The following COA8 variants were observed in gnomAD, a reference collection of about 807,000 sequenced individuals.
COA8 encodes UPF0671 protein C14orf153.
A neutral mutation model predicts 22.0 loss-of-function variants in COA8; 20 were observed. That is an observed-to-expected ratio of 0.91 (90% confidence interval 0.64 to 1.32). The LOEUF is 1.32. Among genes scored for constraint, COA8 ranks in the 40% most tolerant of loss-of-function variants. COA8 has a pLI of 0.00. For synonymous variants in COA8, 105 were observed against 79.9 expected, an observed-to-expected ratio of 1.31 and a Z score of -1.68; for missense variants, 266 against 230.0, an observed-to-expected ratio of 1.16 and a Z score of -1.01.
chr14:103,588,984 G>A (rs997810876), intron 4 of COA8, among the ~76,000 whole-genome samples: 4 of 152,164 alleles, frequency 2.6e-5, no homozygotes, highest in South Asian at 2.1e-4. Flanking sequence ...TCAAACAAGC[G>A]AGTATAATCT....
chr14:103,590,618 A>G lies in COA8; in HGVS notation c.*332A>G, dbSNP rs2151190201. 5.1e-6 allele frequency: 1 copy of G among 197,866 alleles called. No individual in the cohort carries two copies. The highest frequency in any genetic ancestry group is 1.5e-4 in the East Asian group (1 of 6,800). 12.3% of individuals were successfully genotyped at this position (197,866 alleles called of 1,614,324 possible). On this transcript the variant is annotated 3_prime_UTR_variant, in exon 5 of 5. Coordinates refer to ENST00000409074, the MANE Select transcript of COA8 (RefSeq NM_001370595.2). ...CACGGTGGCTCACACCTGTAATCCC[A>G]GCACTTTGGGAGGCCGAGGCGGGTG...
chr14:103,563,545 TG>T (rs2076110017), intron 1 of COA8, among the ~76,000 whole-genome samples: 1 of 152,238 alleles, frequency 6.6e-6, no homozygotes, highest in Non-Finnish European at 1.5e-5. Context: ...ATCGTACTTT[TG>T]TAGCACTTCA....
chr14:103,587,508 CTT>C (rs368240107), intron 4 of COA8, 144 bp downstream of exon 4: 3,506 of 303,532 alleles, frequency 0.012, no homozygotes, highest in South Asian at 0.027. Flanking sequence ...TTCTTTTTTT[CTT>C]TTTTTTTTTT....
chr14:103,565,112 C>T (rs778379541), intron 1 of COA8, among the ~76,000 whole-genome samples: 8 of 151,946 alleles, frequency 5.3e-5, no homozygotes, highest in African/African-American at 1.2e-4. Context: ...CATGCTGCCA[C>T]GCCTGGTTAA....
intron 3 of COA8, among the ~76,000 whole-genome samples, chr14:103,578,886 C>T (rs191374311): frequency 0.012 from 1,762 of 152,322 alleles, 16 homozygotes; most frequent in Non-Finnish European, 0.016. Flanking sequence ...GTGCCAGCCG[C>T]GCCCCTCCTG....
At chr14:103,565,244 G>A (rs1026374375) in intron 1 of COA8, among the ~76,000 whole-genome samples, 80 of 152,162 alleles carry the variant, frequency 5.3e-4, no homozygotes, top group African/African-American at 1.9e-3. Flanking sequence ...ATAAGTGTGA[G>A]CCACCATGCC....
At chr14:103,568,619 GTGTATA>G (rs1566978079) in intron 1 of COA8, among the ~76,000 whole-genome samples, 2 of 48,740 alleles carry the variant, frequency 4.1e-5, no homozygotes, top group African/African-American at 7.6e-5. Context: ...ATATGTGTGT[GTGTATA>G]TATATATATA....
intron 2 of COA8, 29 bp from the exon 3 acceptor site, chr14:103,574,078 C>T (rs1250914687): frequency 3.8e-4 from 381 of 1,013,022 alleles, no homozygotes; most frequent in African/African-American, 1.4e-3. Flanking sequence ...TTCTGAGAGC[C>T]TTTTTTTTTT....
Position 103,581,455 on chromosome 14 carries a change from T to C in COA8, c.386-5819T>C. ...GTGCTGGACAGAGGGAGGAGTCGCC[T>C]CCTGGGCTGGTCGGAGTAGGACCTT... is the stretch of plus-strand genomic sequence containing the variant. On this transcript the variant is annotated intron_variant, in intron 3 of 4. Coordinates refer to ENST00000409074, the MANE Select transcript of COA8 (RefSeq NM_001370595.2). This position sits in a 1 kb window ranked among gnomAD's most constrained non-coding sequence, Gnocchi z 4.1. 2.5e-6 allele frequency: 1 copy of C among 392,930 alleles called. No individual in the cohort carries two copies. Among genetic ancestry groups the C allele is most frequent in the Middle Eastern group, 6.4e-4 (1 of 1,560 alleles). The allele number at this position is 392,930 out of a possible 1,614,324, so 24.3% of individuals were successfully genotyped here.
rs183721929 is a variant in COA8, at chr14:103,573,526, T to A, written c.322-581T>A. Among the ~76,000 whole-genome samples the A allele has an allele frequency of 1.3e-3, 198 of 152,086 alleles. 1 individual carries two copies. The highest frequency in any genetic ancestry group is 0.012 in the Admixed American group (178 of 15,250). ...GGCTATGTCTGGTGGGGTATATTTATCATATTCTGTGGAGGGTTTTTTTTG... is the reference window on the plus strand; with the variant it reads ...GGCTATGTCTGGTGGGGTATATTTAACATATTCTGTGGAGGGTTTTTTTTG... On this transcript the variant is annotated intron_variant, in intron 2 of 4. Coordinates refer to ENST00000409074, the MANE Select transcript of COA8 (RefSeq NM_001370595.2).
intron 3 of COA8, among the ~76,000 whole-genome samples, chr14:103,577,299 C>T (rs529584053): frequency 6.6e-6 from 1 of 152,080 alleles, no homozygotes; most frequent in South Asian, 2.1e-4. Context: ...TGGTCTCAAA[C>T]TCCTGACCTC....
Position 103,587,293 on chromosome 14 carries a change from T to A in COA8, c.405T>A (p.Asn135Lys). The A allele has an allele frequency of 6.2e-7, 1 of 1,613,472 alleles. No homozygotes were observed. The highest frequency in any genetic ancestry group is 2.2e-5 in the East Asian group (1 of 44,814). ...TTTCAGGTCAGAAAGCAACATTGAA[T>A]GCAGAAGAAATGGCGGACTTCTACA... ...RTESGQKATL[N>K]AEEMADFYKE... Residue 135 changes from asparagine to lysine, a missense_variant, in exon 4 of 5, where the codon AAT (asparagine) becomes AAA (lysine). Coordinates refer to ENST00000409074, the MANE Select transcript of COA8 (RefSeq NM_001370595.2).
chr14:103,564,770 C>G (rs1486989915), intron 1 of COA8, among the ~76,000 whole-genome samples: 1 of 151,832 alleles, frequency 6.6e-6, no homozygotes, highest in Non-Finnish European at 1.5e-5. Context: ...TTAGTAGAGA[C>G]AGGGTTTCAC....
intron 3 of COA8, among the ~76,000 whole-genome samples, chr14:103,578,971 G>A (rs1342371802): frequency 1.3e-5 from 2 of 152,200 alleles, no homozygotes; most frequent in Non-Finnish European, 2.9e-5. Context: ...CTGAGATGGA[G>A]GTAAGTCACA....
intron 3 of COA8, among the ~76,000 whole-genome samples, chr14:103,587,052 T>C (rs2076313028): frequency 6.6e-6 from 1 of 152,182 alleles, no homozygotes; most frequent in Non-Finnish European, 1.5e-5. Flanking sequence ...CTCTCAAATT[T>C]ATTCCTAAGT....
At chr14:103,564,511 C>T (rs528375721) in intron 1 of COA8, among the ~76,000 whole-genome samples, 1 of 149,896 alleles carries the variant, frequency 6.7e-6, no homozygotes, top group Admixed American at 6.6e-5. Context: ...ATTTTGTGAA[C>T]TTGTGCTGGA....
chr14:103,566,767 A>G (rs1191398989), intron 1 of COA8, among the ~76,000 whole-genome samples: 1 of 152,192 alleles, frequency 6.6e-6, no homozygotes, highest in Non-Finnish European at 1.5e-5. Flanking sequence ...CACCATGTCC[A>G]TCTTTGGAAT....
chr14:103,588,720 T>G (rs1275541063), intron 4 of COA8, among the ~76,000 whole-genome samples: 1 of 151,944 alleles, frequency 6.6e-6, no homozygotes, highest in Non-Finnish European at 1.5e-5. Context: ...AGTGTGCACC[T>G]GTAATCCCAG....
Position 103,581,090 on chromosome 14 carries a change from G to A in COA8, c.386-6184G>A, listed in dbSNP as rs547560930. ...CCTGGGATTACAGGCGTGAGCCACC[G>A]CGCCCAGCCTGTTACACCATTTTAT... On this transcript the variant is annotated intron_variant, in intron 3 of 4. Coordinates refer to ENST00000409074, the MANE Select transcript of COA8 (RefSeq NM_001370595.2). The surrounding 1 kb of genome is among the most constrained non-coding windows in gnomAD (Gnocchi z 4.1). Among the ~76,000 whole-genome samples the A allele has an allele frequency of 2.6e-5, 4 of 152,146 alleles. No individual in the cohort carries two copies. Among genetic ancestry groups the A allele is most frequent in the African/African-American group, 9.6e-5 (4 of 41,506 alleles).
Sources: allele counts gnomAD v4.1 joint callset (sites outside exome capture counted in the v4.1 genomes callset), GRCh38; gene constraint gnomAD v4.1.1; non-coding constraint Gnocchi (gnomAD v3.1); transcripts MANE v1.5; gene names NCBI Gene and HGNC (gene_info 2026-07-23, HGNC 2026-07-21).